The following NPC1 variants were observed in gnomAD, a reference collection of about 807,000 sequenced individuals.
NPC1 encodes Niemann-Pick C1 protein.
In NPC1, 85 loss-of-function variants were observed where a neutral mutation model predicts 140.4. The ratio of observed to expected loss-of-function variants is 0.61; its 90% CI spans 0.51 to 0.72. NPC1 has a LOEUF of 0.72. Ranked by LOEUF, NPC1 falls within the 30% of genes least tolerant of loss-of-function variation. The pLI is 0.00. For missense variants in NPC1, 1,504 were observed against 1,623.8 expected, an observed-to-expected ratio of 0.93 and a Z score of 1.27; for synonymous variants, 656 against 624.8, an observed-to-expected ratio of 1.05 and a Z score of -0.74.
chr18:23,561,493 G>A lies in NPC1; in HGVS notation c.498C>T (p.Pro166=), dbSNP rs75472958. ...MYNACRDVEA[P]SSNDKALGLL... Reference sequence around the variant, plus strand: ...GTCCCAGGGCCTTGTCATTACTTGAGGGGGCCTCCACATCCCGGCAGGCAT... The same window carrying A: ...GTCCCAGGGCCTTGTCATTACTTGAAGGGGCCTCCACATCCCGGCAGGCAT... The change falls in exon 5 of 25, where the codon CCC becomes CCT. Residue 166 remains proline, a synonymous_variant. Coordinates refer to ENST00000269228, the MANE Select transcript of NPC1 (RefSeq NM_000271.5). 6.2e-7 allele frequency: 1 copy of A among 1,614,128 alleles called. No homozygotes were observed. Among genetic ancestry groups the A allele is most frequent in the African/African-American group, 1.3e-5 (1 of 75,034 alleles).
At chr18:23,529,754 T>C, downstream of NPC1, 1 of 1,545,454 alleles carries the variant, frequency 6.5e-7, no homozygotes, top group Non-Finnish European at 8.9e-7. Flanking sequence ...ACAGAAGGAA[T>C]TTAAAAAAAA....
chr18:23,530,498 C>A (rs758443339), downstream of NPC1: 3 of 1,614,214 alleles, frequency 1.9e-6, no homozygotes, highest in Admixed American at 1.7e-5. Flanking sequence ...CATTTCTGCA[C>A]GAAAATTTTT....
downstream of NPC1, chr18:23,526,751 C>G (rs2058309037): frequency 6.2e-7 from 1 of 1,614,050 alleles, no homozygotes; most frequent in African/African-American, 1.3e-5. Flanking sequence ...GTCATCCTGT[C>G]TGTCTGTTCA....
At chr18:23,515,216 G>A (rs73390282) in intron 3 of NPC1, among the ~76,000 whole-genome samples, 3,755 of 152,228 alleles carry the variant, frequency 0.025, 125 homozygotes, top group African/African-American at 0.086. Context: ...CACATGCCCA[G>A]GCATGTGGAG....
intron 12 of NPC1, 68 bp from the exon 13 acceptor site, chr18:23,544,594 G>T (rs1190091824): frequency 1.4e-6 from 2 of 1,439,212 alleles, no homozygotes; most frequent in Non-Finnish European, 1.9e-6. Context: ...TTACTAAAAG[G>T]TCCTCCTTTT....
Position 23,544,946 on chromosome 18 carries a change from C to CCCA in NPC1, c.1947+13_1947+14insTGG, listed in dbSNP as rs771098370. 3.4e-5 allele frequency: 45 copies of CCCA among 1,329,800 alleles called. 3 individuals carry two copies. The African/African-American group carries it at 6.0e-4, about 18-fold the overall frequency. 82.4% of individuals were successfully genotyped at this position (1,329,800 alleles called of 1,614,324 possible). On this transcript the variant is annotated intron_variant, in intron 12 of 24. Coordinates refer to ENST00000269228, the MANE Select transcript of NPC1 (RefSeq NM_000271.5). ...GTTAACCTCTAGAACATACACCACC[C>CCCA]CCCCCCGGCTTACCAGAAGCCTGCG...
chr18:23,570,079 ACT>A (rs991017209), intron 3 of NPC1, among the ~76,000 whole-genome samples: 20 of 152,164 alleles, frequency 1.3e-4, no homozygotes, highest in African/African-American at 4.3e-4. Flanking sequence ...AGAAGCACAG[ACT>A]CTCTTTCTTT....
chr18:23,519,475 G>A (rs532036425), downstream of NPC1, among the ~76,000 whole-genome samples: 4 of 151,522 alleles, frequency 2.6e-5, no homozygotes, highest in Admixed American at 2.0e-4. Flanking sequence ...TGGAGATCGC[G>A]CCACTGCACT....
At chr18:23,529,834 A>C, downstream of NPC1, 2 of 1,118,026 alleles carry the variant, frequency 1.8e-6, no homozygotes, top group Non-Finnish European at 2.6e-6. Flanking sequence ...CAGAATGCTG[A>C]GTGACTCCTG....
intron 2 of NPC1, among the ~76,000 whole-genome samples, 157 bp downstream of exon 2, chr18:23,573,295 C>T (rs1320034004): frequency 6.6e-6 from 1 of 152,192 alleles, no homozygotes; most frequent in African/African-American, 2.4e-5. Context: ...TCTTTCTCTG[C>T]ACTGTATGCC....
At chr18:23,569,710 A>G (rs1231320210) in intron 3 of NPC1, among the ~76,000 whole-genome samples, 4 of 152,246 alleles carry the variant, frequency 2.6e-5, no homozygotes, top group Non-Finnish European at 5.9e-5. Context: ...CAAGCCCCGG[A>G]AAATCACTAG....
At chr18:23,524,001 T>C in intron 1 of NPC1, 1 of 1,052,778 alleles carries the variant, frequency 9.5e-7, no homozygotes, top group Non-Finnish European at 1.4e-6. Flanking sequence ...ACAGTTCATT[T>C]CTTCCTTGAC....
Position 23,547,994 on chromosome 18 carries a change from T to G in NPC1, c.1757+12A>C. The G allele has an allele frequency of 6.9e-7, 1 of 1,448,908 alleles. No homozygotes were observed. Among genetic ancestry groups the G allele is most frequent in the Non-Finnish European group, 9.7e-7 (1 of 1,029,440 alleles). The allele number at this position is 1,448,908 out of a possible 1,614,324, so 89.8% of individuals were successfully genotyped here. A position where few individuals can be genotyped will look rare whatever the true frequency, so the allele number is the denominator to read the frequency against. ...TGCAAGGACAGTCTGCTCACACCCA[T>G]GAGTGACTCACTCTTTTTCCCAGGC... On this transcript the variant is annotated intron_variant, in intron 11 of 24. Transcript: ENST00000269228.
chr18:23,573,534 A>G lies in NPC1; in HGVS notation c.98T>C (p.Ile33Thr), dbSNP rs1360183867. ...QSCVWYGECG[I>T]AYGDKRYNCE... ...ATTGTACCTCTTGTCCCCATATGCA[A>G]TTCCACACTCTCCATACCAAACACA... The change falls in exon 2 of 25, where the codon ATT becomes ACT. Residue 33 changes from isoleucine (I) to threonine (T), a missense_variant. Ile to Thr is a moderately conservative substitution (Grantham distance 89). Coordinates refer to ENST00000269228, the MANE Select transcript of NPC1 (RefSeq NM_000271.5). The G allele has an allele frequency of 6.2e-7, 1 of 1,614,150 alleles. No homozygotes were observed. Among genetic ancestry groups the G allele is most frequent in the Non-Finnish European group, 8.5e-7 (1 of 1,180,018 alleles).
chr18:23,528,138 T>C (rs922230308), downstream of NPC1: 13 of 419,378 alleles, frequency 3.1e-5, no homozygotes, highest in Middle Eastern at 6.4e-4. Context: ...TGTTTTTGTT[T>C]TTCCCATCTG....
At chr18:23,530,342 T>C, downstream of NPC1, 2 of 1,614,014 alleles carry the variant, frequency 1.2e-6, no homozygotes, top group Non-Finnish European at 1.7e-6. Flanking sequence ...ACTAACTCTG[T>C]TCCTGTTGTT....
At position 23,543,572 on chromosome 18, in the gene NPC1, TAA is replaced by T. The variant is rs11299077; in HGVS notation, c.2131-5_2131-4del. 158,329 of 1,160,146 alleles carry T rather than the reference TAA, an allele frequency of 0.14. 51 individuals are homozygous for T. Among genetic ancestry groups the T allele is most frequent in the East Asian group, 0.33 (11,819 of 36,056 alleles). 71.9% of individuals were successfully genotyped at this position (1,160,146 alleles called of 1,614,324 possible). ...TCCCCTTGAAGACGTTCATCTCTCTTAAAAAAAAAAAAAAAAAATTATGCGAC... is the reference window on the plus strand; with the variant it reads ...TCCCCTTGAAGACGTTCATCTCTCTTAAAAAAAAAAAAAAAATTATGCGAC... On this transcript the variant is annotated splice_region_variant and splice_polypyrimidine_tract_variant and intron_variant, in intron 13 of 24. Transcript: ENST00000269228.
At chr18:23,570,743 C>T (rs1462303225) in intron 3 of NPC1, among the ~76,000 whole-genome samples, 1 of 152,238 alleles carries the variant, frequency 6.6e-6, no homozygotes, top group Non-Finnish European at 1.5e-5. Flanking sequence ...TTGAGAATTG[C>T]TGGCTAGGCC....
In NPC1 at chr18:23,534,499, T is replaced by C; in HGVS notation, c.3538A>G (p.Lys1180Glu). 6.2e-7 allele frequency: 1 copy of C among 1,614,172 alleles called. No individual in the cohort carries two copies. The highest frequency in any genetic ancestry group is 8.5e-7 in the Non-Finnish European group (1 of 1,180,044). The change falls in exon 23 of 25, where the codon AAA (lysine) becomes GAA (glutamate). Residue 1180 changes from lysine to glutamate, a missense_variant. Transcript: ENST00000269228. ...HITRAFTVSMKGSRVERAEEA... is the reference protein window; with the variant it reads ...HITRAFTVSMEGSRVERAEEA... ...TCCGCGCGCTCCACGCGGCTGCCTT[T>C]CATGCTCACCGTGAACGCTCTGGTT...
Sources: gnomAD v4.1 joint callset for allele counts (sites outside exome capture counted in the v4.1 genomes callset) on GRCh38, gnomAD v4.1.1 for gene constraint, MANE v1.5 for transcripts, NCBI Gene and HGNC (gene_info 2026-07-23, HGNC 2026-07-21) for gene names.